Variants in SOBP observed in about 807,000 individuals in gnomAD.
SOBP encodes sine oculis-binding protein homolog.
Under a neutral mutation model 53.6 loss-of-function variants are expected in SOBP, and 4 were observed. The observed-to-expected ratio is 0.07, with a 90% CI of 0.04 to 0.17. The LOEUF (loss-of-function observed/expected upper bound fraction) is 0.17. Ranked by LOEUF, SOBP falls within the 10% of genes least tolerant of loss-of-function variation. The pLI is 1.00. For synonymous variants in SOBP, 584 were observed against 522.6 expected (o/e 1.12, Z -1.60); for missense variants, 1,088 against 1,204.7 (o/e 0.90, Z 1.43).
chr6:107,515,290 A>G (rs1444381448), intron 3 of SOBP, among the ~76,000 whole-genome samples: 3 of 152,238 alleles, frequency 2.0e-5, no homozygotes, highest in African/African-American at 7.2e-5. Flanking sequence ...AAGAAAAACA[A>G]AAAACAAACA....
intron 1 of SOBP, among the ~76,000 whole-genome samples, chr6:107,495,829 A>G (rs1007546387): frequency 3.3e-5 from 5 of 152,122 alleles, no homozygotes; most frequent in Non-Finnish European, 5.9e-5. Context: ...GACTCTTTAT[A>G]CTTAACAAAA....
chr6:107,630,754 C>G (rs71539082), intron 5 of SOBP, among the ~76,000 whole-genome samples: 1 of 10,328 alleles, frequency 9.7e-5, no homozygotes, highest in Non-Finnish European at 5.9e-4. Context: ...CACTCTGTCT[C>G]TCTCTCTCTC....
At chr6:107,602,518 C>G (rs1287338243) in intron 5 of SOBP, among the ~76,000 whole-genome samples, 2 of 140,820 alleles carry the variant, frequency 1.4e-5, no homozygotes, top group Admixed American at 7.7e-5. Context: ...AAGTCTGGAA[C>G]TGATCCCCAT....
In SOBP at chr6:107,634,309, C is replaced by G; in HGVS notation, c.1465C>G (p.Pro489Ala). 6.4e-7 allele frequency: 1 copy of G among 1,573,854 alleles called. No homozygotes were observed. The highest frequency in any genetic ancestry group is 1.1e-5 in the South Asian group (1 of 87,936). Residue 489 changes from proline to alanine, a missense_variant, in exon 6 of 7, where the codon CCC (proline) becomes GCC (alanine). Physicochemically the swap from Pro to Ala is conservative, Grantham distance 27. This residue lies in a region of SOBP where 665 missense variants were observed against 629.7 expected (regional missense o/e 1.06). Transcript: ENST00000317357. The surrounding 1 kb of genome is among the most constrained non-coding windows in gnomAD (Gnocchi z 4.5). Reference protein sequence around the residue: ...PPPGAPLPSLPFPPVSMMPNG... With the variant: ...PPPGAPLPSLAFPPVSMMPNG... Reference sequence around the variant, plus strand: ...TCCGGGCGCCCCGCTGCCGAGTCTTCCCTTCCCGCCAGTGAGCATGATGCC... The same window carrying G: ...TCCGGGCGCCCCGCTGCCGAGTCTTGCCTTCCCGCCAGTGAGCATGATGCC...
At chr6:107,614,128 G>A (rs760491074) in intron 5 of SOBP, among the ~76,000 whole-genome samples, 11 of 152,314 alleles carry the variant, frequency 7.2e-5, no homozygotes, top group Middle Eastern at 3.4e-3. Flanking sequence ...TAAGGCAGGC[G>A]CAGTGGCTCA....
intron 4 of SOBP, among the ~76,000 whole-genome samples, chr6:107,569,943 C>A (rs1018022311): frequency 6.6e-6 from 1 of 151,968 alleles, no homozygotes; most frequent in African/African-American, 2.4e-5. Context: ...TTACACAGCT[C>A]GAACCTCATC....
At chr6:107,573,307 AATG>A (rs1402749899) in intron 4 of SOBP, among the ~76,000 whole-genome samples, 2 of 151,960 alleles carry the variant, frequency 1.3e-5, no homozygotes, top group Non-Finnish European at 2.9e-5. Context: ...TCAAGACTTT[AATG>A]ATAAGAAAAG....
Position 107,490,612 on chromosome 6 carries a change from A to T in SOBP, c.-5A>T. ...TTCATCTCCACAGAAACCAGACACA[A>T]AAACATGGCAGAAATGGAGAAAGAA... On this transcript the variant is annotated 5_prime_UTR_variant, in exon 1 of 7. Coordinates refer to ENST00000317357, the MANE Select transcript of SOBP (RefSeq NM_018013.4). 6.3e-7 allele frequency: 1 copy of T among 1,599,844 alleles called. No homozygotes were observed. The highest frequency in any genetic ancestry group is 2.3e-5 in the East Asian group (1 of 44,358).
At chr6:107,593,149 T>C (rs567673898) in intron 5 of SOBP, among the ~76,000 whole-genome samples, 1 of 152,324 alleles carries the variant, frequency 6.6e-6, no homozygotes, top group Non-Finnish European at 1.5e-5. Context: ...ACTTTTCCTA[T>C]ATAAAGACCT....
intron 5 of SOBP, among the ~76,000 whole-genome samples, chr6:107,594,855 G>A (rs919383855): frequency 1.3e-5 from 2 of 152,210 alleles, no homozygotes; most frequent in African/African-American, 4.8e-5. Flanking sequence ...CCTTGCTCTG[G>A]GGGAGGGCAG....
chr6:107,593,392 A>G (rs1314261206), intron 5 of SOBP, among the ~76,000 whole-genome samples: 1 of 152,142 alleles, frequency 6.6e-6, no homozygotes, highest in African/African-American at 2.4e-5. Context: ...TTGCCTACAA[A>G]TGTCAGAGGT....
At chr6:107,528,332 G>A (rs895143988) in intron 3 of SOBP, among the ~76,000 whole-genome samples, 2 of 152,126 alleles carry the variant, frequency 1.3e-5, no homozygotes, top group African/African-American at 2.4e-5. Flanking sequence ...TACAGAGGTA[G>A]GGGGGTCTCC....
intron 5 of SOBP, among the ~76,000 whole-genome samples, chr6:107,601,983 A>G (rs551201117): frequency 6.6e-6 from 1 of 152,358 alleles, no homozygotes; most frequent in Admixed American, 6.5e-5. Flanking sequence ...ACATTAAGAA[A>G]GTTATTGGAT....
chr6:107,555,524 G>A (rs565325661), intron 4 of SOBP, among the ~76,000 whole-genome samples: 1 of 152,146 alleles, frequency 6.6e-6, no homozygotes, highest in Non-Finnish European at 1.5e-5. Context: ...TCCAGAGGAC[G>A]GTGCAGCTGT....
At chr6:107,566,186 A>G (rs1784912935) in intron 4 of SOBP, among the ~76,000 whole-genome samples, 1 of 152,232 alleles carries the variant, frequency 6.6e-6, no homozygotes, top group African/African-American at 2.4e-5. Context: ...CAGGTGATGA[A>G]GGAAAATGGA....
At chr6:107,656,371 A>C (rs1728111) in intron 6 of SOBP, among the ~76,000 whole-genome samples, 41,064 of 79,284 alleles carry the variant, frequency 0.52, 8,407 homozygotes, top group African/African-American at 0.64. Flanking sequence ...GAAAGAAAGT[A>C]AGTCAAATGT....
At chr6:107,561,760 G>T (rs1784778079) in intron 4 of SOBP, among the ~76,000 whole-genome samples, 1 of 152,150 alleles carries the variant, frequency 6.6e-6, no homozygotes, top group Admixed American at 6.5e-5. Context: ...TAAAATCAAA[G>T]CTTCCGGAAG....
intron 6 of SOBP, among the ~76,000 whole-genome samples, chr6:107,641,526 C>A (rs1327299448): frequency 6.6e-6 from 1 of 152,162 alleles, no homozygotes; most frequent in Non-Finnish European, 1.5e-5. Flanking sequence ...TCGGTGAACA[C>A]CAGGGCATTG....
At chr6:107,499,090 A>T (rs1420657355) in intron 1 of SOBP, among the ~76,000 whole-genome samples, 1 of 152,172 alleles carries the variant, frequency 6.6e-6, no homozygotes, top group Non-Finnish European at 1.5e-5. Context: ...TTTATATATG[A>T]TATTGACATT....
Sources: gnomAD v4.1 joint callset for allele counts (sites outside exome capture counted in the v4.1 genomes callset) on GRCh38, gnomAD v4.1.1 for gene constraint, gnomAD v4.1.1 regional missense constraint, Gnocchi (gnomAD v3.1) non-coding constraint, MANE v1.5 for transcripts, NCBI Gene and HGNC (gene_info 2026-07-23, HGNC 2026-07-21) for gene names.